HACD2: variants seen among roughly 807,000 people sequenced by gnomAD.
The protein encoded by HACD2 is 3-hydroxyacyl-CoA dehydratase 2.
A neutral mutation model predicts 31.0 loss-of-function variants in HACD2; 15 were observed. That is an observed-to-expected ratio of 0.48 (90% CI 0.32 to 0.75). The LOEUF (loss-of-function observed/expected upper bound fraction) is 0.75. Ranked by LOEUF, HACD2 falls within the 30% of genes least tolerant of loss-of-function variation. The pLI, the probability that HACD2 is intolerant of heterozygous loss-of-function variation, is 0.03. For synonymous variants in HACD2, 115 were observed against 122.2 expected (o/e 0.94, Z 0.39); for missense variants, 283 against 313.0 (o/e 0.90, Z 0.72).
intron 4 of HACD2, among the ~76,000 whole-genome samples, chr3:123,513,404 T>C (rs9810843): frequency 0.17 from 25,371 of 152,132 alleles, 2,723 homozygotes; most frequent in African/African-American, 0.29. Flanking sequence ...TGGAGAAACC[T>C]GGCAGATGCT....
intron 3 of HACD2, among the ~76,000 whole-genome samples, chr3:123,541,229 C>A (rs995175933): frequency 1.3e-5 from 2 of 152,240 alleles, no homozygotes. Flanking sequence ...CAAGATTGCA[C>A]CACTGCACTC....
chr3:123,577,739 C>G (rs992845419), intron 2 of HACD2, among the ~76,000 whole-genome samples: 9 of 152,040 alleles, frequency 5.9e-5, no homozygotes, highest in Non-Finnish European at 1.2e-4. Context: ...CTGCATTAGT[C>G]CACTAATTTT....
chr3:123,552,747 G>A (rs2056632880), intron 3 of HACD2, among the ~76,000 whole-genome samples: 1 of 151,950 alleles, frequency 6.6e-6, no homozygotes, highest in East Asian at 1.9e-4. Flanking sequence ...TGGACTAAAA[G>A]TGGGCAGAAC....
rs2055813578 is a variant in HACD2 at position 123,494,892 on chromosome 3, T to G, written c.761A>C (p.Glu254Ala). 6.5e-7 allele frequency: 1 copy of G among 1,549,684 alleles called. No homozygotes were observed. The change falls in exon 7 of 7, where the codon GAA becomes GCA. Residue 254 changes from glutamate (E) to alanine (A), a missense_variant. Glu to Ala is a moderately radical substitution (Grantham distance 107, BLOSUM62 -1). Transcript: ENST00000383657. ...LSHTEEHKKF[E>A] ...GGGAGGTGCAGAAAGCAGGAACTAT[T>G]CAAATTTCTTGTGTTCTTCAGTATG...
chr3:123,509,682 G>A (rs1366769884), intron 4 of HACD2, among the ~76,000 whole-genome samples: 7 of 151,916 alleles, frequency 4.6e-5, no homozygotes, highest in African/African-American at 1.7e-4. Flanking sequence ...TGTATTTTTA[G>A]TAGAGATGGG....
intron 4 of HACD2, among the ~76,000 whole-genome samples, chr3:123,506,200 G>C (rs1353435558): frequency 6.6e-6 from 1 of 152,190 alleles, no homozygotes; most frequent in Non-Finnish European, 1.5e-5. Context: ...AGAGAGGAGA[G>C]AATAACTGAC....
At chr3:123,536,847 A>C (rs937094873) in intron 3 of HACD2, among the ~76,000 whole-genome samples, 2 of 152,196 alleles carry the variant, frequency 1.3e-5, no homozygotes, top group African/African-American at 4.8e-5. Context: ...CCCACTCAAG[A>C]GGTCATTTCA....
At chr3:123,528,357 A>G (rs1340291803) in intron 4 of HACD2, 29 bp downstream of exon 4, 1 of 1,315,088 alleles carries the variant, frequency 7.6e-7, no homozygotes, top group South Asian at 1.2e-5. Context: ...GTTAGTGTTG[A>G]CATTATTTTG....
chr3:123,527,860 C>T (rs1389090352), intron 4 of HACD2, among the ~76,000 whole-genome samples: 4 of 152,196 alleles, frequency 2.6e-5, no homozygotes, highest in Admixed American at 1.3e-4. Flanking sequence ...AAACGTGTTT[C>T]GGTCAGCAGC....
At chr3:123,530,920 T>C (rs917073428) in intron 3 of HACD2, among the ~76,000 whole-genome samples, 1 of 151,990 alleles carries the variant, frequency 6.6e-6, no homozygotes, top group Non-Finnish European at 1.5e-5. Context: ...CAGGCTGGAG[T>C]GCAATGGCGC....
At chr3:123,498,711 TG>T (rs958525604) in intron 6 of HACD2, among the ~76,000 whole-genome samples, 12 of 152,216 alleles carry the variant, frequency 7.9e-5, no homozygotes, top group Non-Finnish European at 1.8e-4. Flanking sequence ...AAAAAGGTTG[TG>T]GGGACTGCTG....
intron 2 of HACD2, among the ~76,000 whole-genome samples, chr3:123,570,921 CACACACACACACACACACACACAT>C (rs1473762129): frequency 1.3e-5 from 2 of 151,094 alleles, no homozygotes; most frequent in South Asian, 4.2e-4. Flanking sequence ...TACCATTACA[CACACACACACACACACACACACAT>C]ACACACACAC....
intron 4 of HACD2, among the ~76,000 whole-genome samples, chr3:123,516,050 G>A (rs190373711): frequency 3.3e-5 from 5 of 151,064 alleles, no homozygotes; most frequent in Admixed American, 1.3e-4. Flanking sequence ...ATGAGCCACC[G>A]CGCCTGGCCT....
chr3:123,513,489 A>G (rs902777050), intron 4 of HACD2, among the ~76,000 whole-genome samples: 27 of 152,228 alleles, frequency 1.8e-4, no homozygotes, highest in Admixed American at 1.3e-3. Flanking sequence ...TGAGAAGAGC[A>G]GGCATGGCTT....
chr3:123,565,891 C>CA (rs1309162307), intron 3 of HACD2, among the ~76,000 whole-genome samples: 17 of 152,174 alleles, frequency 1.1e-4, no homozygotes, highest in African/African-American at 4.1e-4. Flanking sequence ...GCGTGTAAGA[C>CA]TGCACAAAAG....
intron 4 of HACD2, among the ~76,000 whole-genome samples, chr3:123,504,833 G>T (rs2055953086): frequency 6.6e-6 from 1 of 152,182 alleles, no homozygotes; most frequent in Non-Finnish European, 1.5e-5. Context: ...TGGATAAAGA[G>T]ATTGACCTTA....
At chr3:123,546,349 A>G (rs1226081155) in intron 3 of HACD2, among the ~76,000 whole-genome samples, 1 of 152,180 alleles carries the variant, frequency 6.6e-6, no homozygotes, top group Non-Finnish European at 1.5e-5. Flanking sequence ...CCATTTGCTT[A>G]CCCACTATAC....
At chr3:123,579,228 A>G (rs1352594841) in intron 2 of HACD2, among the ~76,000 whole-genome samples, 1 of 152,190 alleles carries the variant, frequency 6.6e-6, no homozygotes, top group Non-Finnish European at 1.5e-5. Flanking sequence ...TTAAAGTATG[A>G]CACTGTTTAA....
intron 3 of HACD2, among the ~76,000 whole-genome samples, chr3:123,530,420 T>C (rs2056343757): frequency 6.6e-6 from 1 of 150,886 alleles, no homozygotes. Flanking sequence ...TTTTTTTTTT[T>C]TTTTTTTGAG....
Sources: gnomAD v4.1 joint callset for allele counts (sites outside exome capture counted in the v4.1 genomes callset) on GRCh38, gnomAD v4.1.1 for gene constraint, MANE v1.5 for transcripts, NCBI Gene and HGNC (gene_info 2026-07-23, HGNC 2026-07-21) for gene names.